Variants in KLHL13 observed in about 807,000 individuals in gnomAD.
The protein encoded by KLHL13 is kelch-like protein 13.
Under a neutral mutation model 37.1 loss-of-function variants are expected in KLHL13, and 10 were observed. That is an observed-to-expected ratio of 0.27 (90% CI 0.17 to 0.46). The LOEUF (loss-of-function observed/expected upper bound fraction) is 0.46, where lower values mean the gene tolerates loss of function less well. KLHL13 is among the 20% of genes least tolerant of loss of function. The probability of loss-of-function intolerance (pLI) is 1.00; values close to 1 mark genes in which losing one functional copy is unlikely to be tolerated. For missense variants in KLHL13, 360 were observed against 509.3 expected (o/e 0.71, Z 2.82); for synonymous variants, 163 against 181.2 (o/e 0.90, Z 0.81).
At chrX:118,079,537 T>C (rs756795490) in intron 1 of KLHL13, among the ~76,000 whole-genome samples, 5 of 110,502 alleles carry the variant, frequency 4.5e-5, no homozygotes, top group South Asian at 7.7e-4. Context: ...CAATCGTATT[T>C]ACAATAGTCA....
intron 1 of KLHL13, among the ~76,000 whole-genome samples, chrX:118,012,021 A>T (rs762293825): frequency 8.9e-6 from 1 of 112,274 alleles, no homozygotes; most frequent in African/African-American, 3.2e-5. Context: ...TTACTGTTAA[A>T]TATCTTGTAG....
chrX:117,984,603 T>A (rs1314111767), intron 1 of KLHL13, among the ~76,000 whole-genome samples: 1 of 111,559 alleles, frequency 9.0e-6, no homozygotes, highest in African/African-American at 3.2e-5. Context: ...ATTTTTTCTT[T>A]TTTGGAATGA....
chrX:118,090,177 T>TA (rs1040567383), intron 1 of KLHL13, among the ~76,000 whole-genome samples: 16 of 106,503 alleles, frequency 1.5e-4, no homozygotes, highest in Middle Eastern at 4.8e-3. Context: ...CCTAAAACCA[T>TA]AAAAAACCCT....
At chrX:117,906,102 CA>C (rs1569410320) in intron 5 of KLHL13, among the ~76,000 whole-genome samples, 1 of 111,528 alleles carries the variant, frequency 9.0e-6, no homozygotes, top group Non-Finnish European at 1.9e-5. Flanking sequence ...ATGAATGTCT[CA>C]ACTTAATCAG....
intron 1 of KLHL13, among the ~76,000 whole-genome samples, chrX:118,113,836 G>A (rs2055438614): frequency 8.9e-6 from 1 of 112,230 alleles, no homozygotes; most frequent in South Asian, 3.7e-4. Flanking sequence ...CTCCACAAGA[G>A]CAAAGATCAT....
chrX:117,982,146 A>T (rs2053669154), intron 1 of KLHL13, among the ~76,000 whole-genome samples: 1 of 109,609 alleles, frequency 9.1e-6, no homozygotes, highest in African/African-American at 3.3e-5. Context: ...CTAATCAGGC[A>T]GACTAGATAT....
chrX:117,942,760 C>A (rs966962249), intron 2 of KLHL13, among the ~76,000 whole-genome samples: 13 of 110,726 alleles, frequency 1.2e-4, no homozygotes, highest in Admixed American at 1.2e-3. Flanking sequence ...TACAGCACAC[C>A]GATGGGCCTT....
At chrX:117,953,400 G>C (rs1004476796) in intron 1 of KLHL13, among the ~76,000 whole-genome samples, 3 of 109,944 alleles carry the variant, frequency 2.7e-5, no homozygotes, top group Non-Finnish European at 3.8e-5. Flanking sequence ...TCTGGGGACT[G>C]TTGTGGGGTG....
chrX:117,969,958 A>T (rs2053496430), intron 1 of KLHL13, among the ~76,000 whole-genome samples: 1 of 111,925 alleles, frequency 8.9e-6, no homozygotes, highest in Admixed American at 9.5e-5. Context: ...GGAAAAAAGT[A>T]ATAGTCTTGC....
chrX:118,047,446 A>G (rs764229102), intron 1 of KLHL13, among the ~76,000 whole-genome samples: 34 of 112,321 alleles, frequency 3.0e-4, no homozygotes, highest in Non-Finnish European at 5.8e-4. Flanking sequence ...CAAAGGGCTA[A>G]TAATTTTAAC....
At chrX:118,020,966 G>A (rs1463458535) in intron 1 of KLHL13, among the ~76,000 whole-genome samples, 2 of 76,251 alleles carry the variant, frequency 2.6e-5, no homozygotes, top group African/African-American at 1.0e-4. Context: ...ACAGGAAGGG[G>A]AACATCACAC....
intron 1 of KLHL13, among the ~76,000 whole-genome samples, chrX:117,988,423 T>G (rs1207726165): frequency 8.9e-6 from 1 of 112,046 alleles, no homozygotes; most frequent in East Asian, 2.8e-4. Context: ...ACTTAAGTGG[T>G]TTACAGAATT....
chrX:118,039,196 T>C (rs1003970209), intron 1 of KLHL13, among the ~76,000 whole-genome samples: 3 of 112,259 alleles, frequency 2.7e-5, no homozygotes, highest in African/African-American at 9.7e-5. Flanking sequence ...CTCAGAGCCA[T>C]GCTGGCTTCA....
At chrX:118,092,637 G>C (rs1314402087) in intron 1 of KLHL13, among the ~76,000 whole-genome samples, 1 of 111,739 alleles carries the variant, frequency 8.9e-6, no homozygotes, top group Non-Finnish European at 1.9e-5. Flanking sequence ...CAAAATATGT[G>C]TCAATACAAC....
intron 1 of KLHL13, among the ~76,000 whole-genome samples, chrX:118,018,609 T>C (rs752722062): frequency 3.6e-5 from 4 of 111,689 alleles, no homozygotes; most frequent in Non-Finnish European, 7.5e-5. Context: ...AAATAATGTA[T>C]CTCTTCTTAG....
At chrX:118,093,530 T>A (rs1229897119) in intron 1 of KLHL13, among the ~76,000 whole-genome samples, 2 of 111,985 alleles carry the variant, frequency 1.8e-5, no homozygotes, top group African/African-American at 6.5e-5. Flanking sequence ...CCATTTCATG[T>A]AATGAATACA....
chrX:117,911,474 C>T (rs6645988), intron 4 of KLHL13, among the ~76,000 whole-genome samples: 46 of 111,778 alleles, frequency 4.1e-4, no homozygotes, highest in Non-Finnish European at 7.7e-4. Flanking sequence ...AGGTATTACA[C>T]GTACCATGGT....
intron 6 of KLHL13, 104 bp from the exon 8 acceptor site, chrX:117,899,499 T>C (rs1242332671): frequency 3.1e-6 from 2 of 641,874 alleles, no homozygotes; most frequent in African/African-American, 4.4e-5. Context: ...TTATGACATA[T>C]ACCTTATCAA....
At chrX:118,090,720 C>G (rs1602715509) in intron 1 of KLHL13, among the ~76,000 whole-genome samples, 1 of 107,402 alleles carries the variant, frequency 9.3e-6, no homozygotes, top group Non-Finnish European at 1.9e-5. Flanking sequence ...GTCAGTGTGG[C>G]GATTCCTCAG....
Sources: gnomAD v4.1 joint callset for allele counts (sites outside exome capture counted in the v4.1 genomes callset) on GRCh38, gnomAD v4.1.1 for gene constraint, MANE v1.5 for transcripts, NCBI Gene and HGNC (gene_info 2026-07-23, HGNC 2026-07-21) for gene names.